The following LOXHD1 variants were observed in gnomAD, a reference collection of about 807,000 sequenced individuals.
LOXHD1 encodes lipoxygenase homology PLAT domains 1.
A neutral mutation model predicts 248.2 loss-of-function variants in LOXHD1; 205 were observed. That is an observed-to-expected ratio of 0.83 (90% CI 0.74 to 0.93). LOXHD1 has a LOEUF of 0.93. LOXHD1 is among the 40% of genes least tolerant of loss of function. LOXHD1 has a pLI of 0.00. For synonymous variants in LOXHD1, 1,113 were observed against 1,162.8 expected, an observed-to-expected ratio of 0.96 and a Z score of 0.87; for missense variants, 2,930 against 2,971.6, an observed-to-expected ratio of 0.99 and a Z score of 0.33.
chr18:46,566,201 T>G (rs2037636329), intron 17 of LOXHD1, 56 bp downstream of exon 17: 3 of 1,498,862 alleles, frequency 2.0e-6, no homozygotes, highest in Non-Finnish European at 2.7e-6. Context: ...CTCCTTCCCC[T>G]CAGCCCCATC....
In LOXHD1 at chr18:46,509,766, C is replaced by T. The variant is rs1279447072; in HGVS notation, c.5449G>A (p.Ala1817Thr). 2.6e-6 allele frequency: 4 copies of T among 1,535,722 alleles called. No individual in the cohort carries two copies. The highest frequency in any genetic ancestry group is 1.7e-4 in the Middle Eastern group (1 of 5,854). Reference protein sequence around the residue: ...DTFIMEILDIAPFTKMRIRID... With the variant: ...DTFIMEILDITPFTKMRIRID... ...CGGATCCGCATCTTGGTGAATGGAG[C>T]AATGTCTAGGATCTCCATGATGAAG... Residue 1817 changes from alanine to threonine, a missense_variant, in exon 35 of 41, where the codon GCT (alanine) becomes ACT (threonine). Transcript: ENST00000642948.
At chr18:46,509,104 G>A (rs1272495350) in intron 35 of LOXHD1, among the ~76,000 whole-genome samples, 1 of 152,168 alleles carries the variant, frequency 6.6e-6, no homozygotes. Context: ...TGGGAAAAGC[G>A]GGAGGATGGA....
At position 46,560,408 on chromosome 18, in the gene LOXHD1, C is replaced by T. The variant is rs2037497334; in HGVS notation, c.2736G>A (p.Glu912=). ...VVREVDLTPE[E]EARKKKEKDK... ...CCTTCTCCTTCTTCTTCCGGGCCTC[C>T]TCCTCCGGCGTGAGGTCCACCTCCC... Residue 912 remains glutamate, a synonymous_variant, in exon 19 of 41, where the codon GAG becomes GAA. Coordinates refer to ENST00000642948, the MANE Select transcript of LOXHD1 (RefSeq NM_001384474.1). 1.3e-6 allele frequency: 2 copies of T among 1,549,708 alleles called. No homozygotes were observed. The highest frequency in any genetic ancestry group is 1.7e-6 in the Non-Finnish European group (2 of 1,147,550).
At chr18:46,571,132 A>G (rs574557265) in intron 15 of LOXHD1, among the ~76,000 whole-genome samples, 1 of 152,330 alleles carries the variant, frequency 6.6e-6, no homozygotes, top group Non-Finnish European at 1.5e-5. Flanking sequence ...GGGACACTCT[A>G]GTTCAAAGTC....
intron 1 of LOXHD1, among the ~76,000 whole-genome samples, chr18:46,656,603 G>A (rs2039185126): frequency 6.6e-6 from 1 of 152,178 alleles, no homozygotes; most frequent in Non-Finnish European, 1.5e-5. Flanking sequence ...ACGTGGCTTT[G>A]GGGATGTTCA....
At position 46,506,099 on chromosome 18, in the gene LOXHD1, G is replaced by C. The variant is rs149598385; in HGVS notation, c.5693-76C>G. The C allele has an allele frequency of 2.0e-6, 3 of 1,481,514 alleles. No individual in the cohort carries two copies. The East Asian group carries it at 7.4e-5, about 37-fold the overall frequency. 91.8% of individuals were successfully genotyped at this position (1,481,514 alleles called of 1,614,324 possible). On this transcript the variant is annotated intron_variant, in intron 36 of 40. Coordinates refer to ENST00000642948, the MANE Select transcript of LOXHD1 (RefSeq NM_001384474.1). Reference sequence around the variant, plus strand: ...GTCCTCTTGCTCTGGCCTTGATCCCGGACTCCTCAGAGGAGTCAGGGGTAC... The same window carrying C: ...GTCCTCTTGCTCTGGCCTTGATCCCCGACTCCTCAGAGGAGTCAGGGGTAC...
chr18:46,572,315 C>T (rs2037768302), intron 14 of LOXHD1, among the ~76,000 whole-genome samples, 153 bp from the exon 15 acceptor site: 2 of 152,084 alleles, frequency 1.3e-5, no homozygotes, highest in Admixed American at 1.3e-4. Context: ...AACATCCTAG[C>T]CTGGAGTGGG....
In LOXHD1 at chr18:46,541,879, G is replaced by T. The variant is rs1030355039; in HGVS notation, c.3810C>A (p.Cys1270Ter). Residue 1270 changes from cysteine to a stop codon, truncating the protein, a stop_gained, in exon 25 of 41, where the codon TGC becomes TGA. Transcript: ENST00000642948. LOFTEE classifies it high-confidence loss of function. ...VEVDAPSLGK[C>*]MTFPCGRWLA... ...GCCAGCGGCCACAGGGAAACGTCATGCACTTCCCAAGAGATGGGGCATCCA... is the reference window on the plus strand; with the variant it reads ...GCCAGCGGCCACAGGGAAACGTCATTCACTTCCCAAGAGATGGGGCATCCA... 1 of 1,551,610 alleles carries T rather than the reference G, an allele frequency of 6.4e-7. No homozygotes were observed. The highest frequency in any genetic ancestry group is 1.4e-5 in the African/African-American group (1 of 73,052).
In LOXHD1 at chr18:46,494,847, C is replaced by CTTTT. The variant is rs1256277774; in HGVS notation, c.5879-5706_5879-5705insAAAA. On this transcript the variant is annotated intron_variant, in intron 37 of 40. Transcript: ENST00000642948. ...ATTTTTCTTTCTCCTTTTTCTCTCT[C>CTTTT]TCTTTTTTTTTTTTTTTTTTTTTTG... is the stretch of plus-strand genomic sequence containing the variant. 2.8e-4 allele frequency among the ~76,000 whole-genome samples: 32 copies of CTTTT among 113,428 alleles called. 2 individuals carry two copies. The highest frequency in any genetic ancestry group is 2.3e-4 in the Non-Finnish European group (12 of 52,118). The allele number at this position is 113,428 out of a possible 152,430, so 74.4% of individuals were successfully genotyped here. A position where few individuals can be genotyped will look rare whatever the true frequency, so the allele number is the denominator to read the frequency against.
Position 46,546,885 on chromosome 18 carries a change from T to C in LOXHD1, c.3514+10A>G. 6.5e-7 allele frequency: 1 copy of C among 1,546,932 alleles called. No homozygotes were observed. ...TGCTGGAGAAAGAAATCAGCTCTAG[T>C]TTAGAAAACCTTTCTGCTCCAGGGC... On this transcript the variant is annotated intron_variant, in intron 22 of 40. Coordinates refer to ENST00000642948, the MANE Select transcript of LOXHD1 (RefSeq NM_001384474.1).
chr18:46,497,442 G>C (rs552627623), intron 37 of LOXHD1, among the ~76,000 whole-genome samples: 1 of 152,270 alleles, frequency 6.6e-6, no homozygotes, highest in South Asian at 2.1e-4. Context: ...AACTAAGAAA[G>C]TCTGGATATG....
chr18:46,541,969 C>G, intron 24 of LOXHD1, 29 bp from the exon 25 acceptor site: 5 of 1,539,604 alleles, frequency 3.2e-6, no homozygotes, highest in Non-Finnish European at 4.4e-6. Context: ...CAAAACCCAT[C>G]AAGGACCTGA....
At chr18:46,542,343 G>A (rs2036599790) in intron 24 of LOXHD1, among the ~76,000 whole-genome samples, 1 of 152,170 alleles carries the variant, frequency 6.6e-6, no homozygotes, top group Non-Finnish European at 1.5e-5. Flanking sequence ...TAGGAATGAA[G>A]CAATTGAATC....
chr18:46,632,091 T>C (rs1240250126), intron 4 of LOXHD1, among the ~76,000 whole-genome samples: 1 of 152,144 alleles, frequency 6.6e-6, no homozygotes, highest in African/African-American at 2.4e-5. Context: ...CTGCTTGCCT[T>C]GACCTTTGTC....
intron 20 of LOXHD1, 98 bp from the exon 21 acceptor site, chr18:46,557,587 G>A (rs2037395738): frequency 1.4e-6 from 2 of 1,445,430 alleles, no homozygotes; most frequent in Admixed American, 2.0e-5. Context: ...CCAGCCAGAG[G>A]CCAATGGTGA....
intron 4 of LOXHD1, among the ~76,000 whole-genome samples, chr18:46,638,627 C>T (rs1385048054): frequency 6.6e-6 from 1 of 152,034 alleles, no homozygotes; most frequent in African/African-American, 2.4e-5. Context: ...GAGTGAAACT[C>T]CATCTCAAAA....
At position 46,649,177 on chromosome 18, in the gene LOXHD1, G is replaced by A. The variant is rs547806908; in HGVS notation, c.223C>T (p.Pro75Ser). 5 of 1,551,660 alleles carry A rather than the reference G, an allele frequency of 3.2e-6. No homozygotes were observed. In the South Asian group the frequency reaches 5.9e-5, roughly 18 times the overall value. Residue 75 changes from proline (P) to serine (S), a missense_variant, in exon 2 of 41, where the codon CCC (proline) becomes TCC (serine). Physicochemically the swap from Pro to Ser is moderately conservative, Grantham distance 74 (BLOSUM62 -1). Coordinates refer to ENST00000642948, the MANE Select transcript of LOXHD1 (RefSeq NM_001384474.1). Reference sequence around the variant, plus strand: ...CACTTGCTGGTGAGCTGGAGCTTGGGAGAGAGCCCATTCTCTCCAAAAAGC... The same window carrying A: ...CACTTGCTGGTGAGCTGGAGCTTGGAAGAGAGCCCATTCTCTCCAAAAAGC... ...ITLFGENGLSPKLQLTSKSKS... is the reference protein window; with the variant it reads ...ITLFGENGLSSKLQLTSKSKS...
intron 31 of LOXHD1, among the ~76,000 whole-genome samples, chr18:46,523,400 G>C (rs2035674563): frequency 6.6e-6 from 1 of 152,122 alleles, no homozygotes; most frequent in Non-Finnish European, 1.5e-5. Context: ...TTATAAGGTT[G>C]CCAGAATGAC....
chr18:46,521,387 C>T (rs968475723), intron 32 of LOXHD1, 105 bp from the exon 33 acceptor site: 17 of 1,288,384 alleles, frequency 1.3e-5, no homozygotes, highest in Admixed American at 2.0e-5. Context: ...ATGCTGTGCA[C>T]TTGCTGGCCC....
Sources: gnomAD v4.1 joint callset for allele counts (sites outside exome capture counted in the v4.1 genomes callset) on GRCh38, gnomAD v4.1.1 for gene constraint, MANE v1.5 for transcripts, NCBI Gene and HGNC (gene_info 2026-07-23, HGNC 2026-07-21) for gene names.